Variants in NR3C2 observed in about 807,000 individuals in gnomAD.
NR3C2 encodes the protein nuclear receptor subfamily 3 group C member 2.
Under a neutral mutation model 86.4 loss-of-function variants are expected in NR3C2, and 15 were observed. That is an observed-to-expected ratio of 0.17 (90% CI 0.12 to 0.27). The LOEUF (loss-of-function observed/expected upper bound fraction) is 0.27. Ranked by LOEUF, NR3C2 falls within the 10% of genes least tolerant of loss-of-function variation. NR3C2 has a pLI of 1.00. For missense variants in NR3C2, 960 were observed against 1,195.6 expected (o/e 0.80, Z 2.91); for synonymous variants, 458 against 450.5 (o/e 1.02, Z -0.21).
chr4:148,390,149 A>C (rs1202414312), intron 2 of NR3C2, among the ~76,000 whole-genome samples: 3 of 149,692 alleles, frequency 2.0e-5, no homozygotes, highest in Non-Finnish European at 3.0e-5. Flanking sequence ...ACTCTGCAGG[A>C]AATATGATCA....
At chr4:148,246,502 C>A (rs971002437) in intron 3 of NR3C2, among the ~76,000 whole-genome samples, 2 of 152,146 alleles carry the variant, frequency 1.3e-5, no homozygotes, top group Non-Finnish European at 2.9e-5. Context: ...AACTGAGGAT[C>A]TTCAAATAAA....
At chr4:148,228,295 A>ACACC (rs765842430) in intron 3 of NR3C2, among the ~76,000 whole-genome samples, 18 of 151,236 alleles carry the variant, frequency 1.2e-4, no homozygotes, top group Admixed American at 6.6e-4. Flanking sequence ...ACACACACAC[A>ACACC]CCCAAGTACT....
At chr4:148,136,067 AAAAAAAAAAC>A (rs1560939938) in intron 6 of NR3C2, among the ~76,000 whole-genome samples, 3 of 97,592 alleles carry the variant, frequency 3.1e-5, no homozygotes, top group African/African-American at 7.1e-5. Flanking sequence ...AAAAAAAAAA[AAAAAAAAAAC>A]AAAAAAAAAA....
At chr4:148,149,845 C>T (rs1734027463) in intron 6 of NR3C2, among the ~76,000 whole-genome samples, 1 of 152,030 alleles carries the variant, frequency 6.6e-6, no homozygotes, top group African/African-American at 2.4e-5. Flanking sequence ...AAAATGAAAA[C>T]CATAGTGAGA....
rs72647599 is a variant in NR3C2, at chr4:148,079,163, TTTTG to T, written c.*2177_*2180del. 59 of 152,440 alleles carry T rather than the reference TTTTG, an allele frequency of 3.9e-4. No individual in the cohort carries two copies. Among genetic ancestry groups the T allele is most frequent in the Middle Eastern group, 3.4e-3 (1 of 294 alleles). The allele number at this position is 152,440 out of a possible 1,614,324, so 9.4% of individuals were successfully genotyped here. A position where few individuals can be genotyped will look rare whatever the true frequency, so the allele number is the denominator to read the frequency against. ...AAACTAAGTCTGAACTAAAAGCTGC[TTTTG>T]TAAGTAAGCCATTTGTTTGCTAGCA... On this transcript the variant is annotated 3_prime_UTR_variant, in exon 9 of 9. Coordinates refer to ENST00000358102, the MANE Select transcript of NR3C2 (RefSeq NM_000901.5).
At chr4:148,206,593 G>C (rs561922824) in intron 3 of NR3C2, among the ~76,000 whole-genome samples, 16 of 152,264 alleles carry the variant, frequency 1.1e-4, no homozygotes, top group African/African-American at 3.9e-4. Context: ...TGATGAAAAA[G>C]TGATATAAGG....
At chr4:148,302,293 A>C (rs1742377109) in intron 2 of NR3C2, among the ~76,000 whole-genome samples, 1 of 152,164 alleles carries the variant, frequency 6.6e-6, no homozygotes, top group African/African-American at 2.4e-5. Context: ...ACAACAGAAA[A>C]CCTAAGTAAT....
chr4:148,275,794 T>A (rs1740931681), intron 2 of NR3C2, among the ~76,000 whole-genome samples: 1 of 152,264 alleles, frequency 6.6e-6, no homozygotes, highest in East Asian at 1.9e-4. Flanking sequence ...TATTATCATA[T>A]GCTATACAAC....
intron 2 of NR3C2, among the ~76,000 whole-genome samples, chr4:148,398,286 A>G (rs1239152668): frequency 6.6e-6 from 1 of 152,214 alleles, no homozygotes; most frequent in African/African-American, 2.4e-5. Context: ...GTTGCTCACA[A>G]AAGCTGCATA....
chr4:148,092,324 T>C (rs1457098133), intron 8 of NR3C2, among the ~76,000 whole-genome samples: 1 of 152,184 alleles, frequency 6.6e-6, no homozygotes, highest in African/African-American at 2.4e-5. Context: ...TCCACATCTT[T>C]ATGGGTTTAA....
At chr4:148,116,186 ATACCATTTGGTACAT>A (rs1732265404) in intron 7 of NR3C2, among the ~76,000 whole-genome samples, 2 of 152,248 alleles carry the variant, frequency 1.3e-5, no homozygotes, top group Non-Finnish European at 2.9e-5. Flanking sequence ...TCATATTTCA[ATACCATTTGGTACAT>A]CTAAGATTAA....
At chr4:148,135,864 G>A (rs1267730733) in intron 6 of NR3C2, among the ~76,000 whole-genome samples, 1 of 150,714 alleles carries the variant, frequency 6.6e-6, no homozygotes, top group Admixed American at 6.6e-5. Context: ...AGACCATCCC[G>A]GCTAAAAACG....
intron 4 of NR3C2, among the ~76,000 whole-genome samples, chr4:148,162,673 T>C (rs1734714388): frequency 6.6e-6 from 1 of 152,210 alleles, no homozygotes; most frequent in African/African-American, 2.4e-5. Context: ...CTGGACTGCG[T>C]CGCATGGGGC....
chr4:148,442,932 C>T, upstream of NR3C2: 1 of 985,324 alleles, frequency 1.0e-6, no homozygotes, highest in Non-Finnish European at 1.2e-6. Context: ...AAAGTGTCGT[C>T]CCCTCACGCT....
chr4:148,303,091 G>A (rs1374995380), intron 2 of NR3C2, among the ~76,000 whole-genome samples: 1 of 152,120 alleles, frequency 6.6e-6, no homozygotes, highest in African/African-American at 2.4e-5. Context: ...ATCAGGCCAA[G>A]TATAAGACTA....
intron 3 of NR3C2, among the ~76,000 whole-genome samples, chr4:148,195,448 A>G (rs1410851808): frequency 6.6e-6 from 1 of 152,240 alleles, no homozygotes; most frequent in Non-Finnish European, 1.5e-5. Context: ...AATATTTACT[A>G]AACACCCACA....
intron 6 of NR3C2, chr4:148,146,634 A>G (rs1156303241): frequency 6.6e-6 from 1 of 152,242 alleles, no homozygotes; most frequent in Admixed American, 6.5e-5. Flanking sequence ...TCACACAACT[A>G]GTGCTTCAGA....
At chr4:148,241,900 A>G (rs551377104) in intron 3 of NR3C2, among the ~76,000 whole-genome samples, 1 of 152,218 alleles carries the variant, frequency 6.6e-6, no homozygotes, top group Non-Finnish European at 1.5e-5. Flanking sequence ...CATCATAAAA[A>G]TATTTTATTA....
chr4:148,319,752 G>T (rs1743451344), intron 2 of NR3C2, among the ~76,000 whole-genome samples: 1 of 150,770 alleles, frequency 6.6e-6, no homozygotes, highest in Non-Finnish European at 1.5e-5. Context: ...TGCTGAAGTT[G>T]CTTATCAGCT....
Sources: gnomAD v4.1 joint callset for allele counts (sites outside exome capture counted in the v4.1 genomes callset) on GRCh38, gnomAD v4.1.1 for gene constraint, MANE v1.5 for transcripts, NCBI Gene and HGNC (gene_info 2026-07-23, HGNC 2026-07-21) for gene names.